Variants in MAP3K11 observed in about 807,000 individuals in gnomAD.
MAP3K11 encodes SH3 domain-containing proline-rich kinase.
Under a neutral mutation model 84.9 loss-of-function variants are expected in MAP3K11, and 46 were observed. The ratio of observed to expected loss-of-function variants is 0.54; its 90% CI spans 0.43 to 0.69. The LOEUF is 0.69. Ranked by LOEUF, MAP3K11 falls within the 30% of genes least tolerant of loss-of-function variation. The pLI is 0.00. For missense variants in MAP3K11, 1,053 were observed against 1,198.3 expected (o/e 0.88, Z 1.79); for synonymous variants, 527 against 514.7 (o/e 1.02, Z -0.32).
chr11:65,610,628 C>T (rs1275482444), intron 1 of MAP3K11: 2 of 152,246 alleles, frequency 1.3e-5, no homozygotes, highest in Admixed American at 1.3e-4. Context: ...GAAATGGGCA[C>T]CTCCCCTGGT....
At chr11:65,608,630 T>C (rs1590857590) in intron 1 of MAP3K11, 182 bp from the exon 2 acceptor site, 1 of 591,044 alleles carries the variant, frequency 1.7e-6, no homozygotes, top group Non-Finnish European at 3.0e-6. Context: ...TTTTTTTTTT[T>C]TCTTAAGATA....
At chr11:65,606,187 G>T in intron 6 of MAP3K11, 106 bp from the exon 7 acceptor site, 1 of 1,290,750 alleles carries the variant, frequency 7.7e-7, no homozygotes, top group Non-Finnish European at 1.0e-6. Flanking sequence ...GCTGGGCCCT[G>T]TACCATTCCC....
Position 65,606,150 on chromosome 11 carries a change from A to T in MAP3K11, c.1604-69T>A, listed in dbSNP as rs1151527. 2.0e-6 allele frequency: 3 copies of T among 1,477,028 alleles called. No individual in the cohort carries two copies. In the South Asian group the frequency reaches 4.1e-5, roughly 20 times the overall value. The allele number at this position is 1,477,028 out of a possible 1,614,324, so 91.5% of individuals were successfully genotyped here. On this transcript the variant is annotated intron_variant, in intron 6 of 9. Transcript: ENST00000309100. ...CTCCATCATCACAGTCAGGCTTCAG[A>T]GATAAACTTTAGAGTATGGGGAGCA...
intron 8 of MAP3K11, among the ~76,000 whole-genome samples, chr11:65,600,710 G>T (rs1445269543): frequency 6.6e-6 from 1 of 152,196 alleles, no homozygotes; most frequent in East Asian, 1.9e-4. Context: ...TCCCTCCTTG[G>T]CTCTAGAAAC....
rs1325502326 is a variant in MAP3K11, at chr11:65,599,593, G to A, written c.2007C>T (p.Arg669=). The A allele has an allele frequency of 5.9e-6, 9 of 1,523,296 alleles. No homozygotes were observed. Among genetic ancestry groups the A allele is most frequent in the East Asian group, 2.5e-5 (1 of 40,354 alleles). 94.4% of individuals were successfully genotyped at this position (1,523,296 alleles called of 1,614,324 possible). Residue 669 remains arginine (R), a synonymous_variant, in exon 9 of 10, where the codon CGC becomes CGT. Coordinates refer to ENST00000309100, the MANE Select transcript of MAP3K11 (RefSeq NM_002419.4). ...RDLQPPGGPG[R]ERGESPTTPP... is the part of the protein sequence containing the mutation. ...GTGTTGTCGGGGACTCCCCGCGCTC[G>A]CGTCCTGGGCCTCCCGGCGGCTGCA...
chr11:65,610,669 A>G (rs577921163), intron 1 of MAP3K11: 1 of 152,344 alleles, frequency 6.6e-6, no homozygotes, highest in East Asian at 1.9e-4. Context: ...TTGAAGACCA[A>G]CACTTGCTGC....
chr11:65,602,658 A>G (rs1854467942), intron 8 of MAP3K11, among the ~76,000 whole-genome samples: 1 of 151,828 alleles, frequency 6.6e-6, no homozygotes, highest in Admixed American at 6.6e-5. Flanking sequence ...AAAAAAAAAA[A>G]TTAGCTGGGC....
intron 1 of MAP3K11, chr11:65,612,100 T>G (rs1854576810): frequency 6.6e-6 from 1 of 152,564 alleles, no homozygotes; most frequent in South Asian, 2.1e-4. Flanking sequence ...GCCTGGCCCC[T>G]CCTGCATTTC....
Position 65,613,501 on chromosome 11 carries a change from C to G in MAP3K11, c.256G>C (p.Gly86Arg). The change falls in exon 1 of 10, where the codon GGC becomes CGC. Residue 86 changes from glycine to arginine, a missense_variant. By Grantham distance (125) the Gly-to-Arg change is moderately radical. Around this residue, in one of 3 missense-constraint regions of MAP3K11, gnomAD observed 160 missense variants for 167.3 expected, o/e 0.96. Transcript: ENST00000309100. Reference protein sequence around the residue: ...AISGDEGWWAGQVGGQVGIFP... With the variant: ...AISGDEGWWARQVGGQVGIFP... ...ATGCCCACCTGGCCACCCACCTGGCCCGCCCACCAGCCCTCGTCTCCTGAG... is the reference window on the plus strand; with the variant it reads ...ATGCCCACCTGGCCACCCACCTGGCGCGCCCACCAGCCCTCGTCTCCTGAG... The G allele has an allele frequency of 6.2e-7, 1 of 1,611,112 alleles. No homozygotes were observed. Among genetic ancestry groups the G allele is most frequent in the South Asian group, 1.1e-5 (1 of 90,934 alleles).
chr11:65,606,654 G>T (rs376567112), intron 6 of MAP3K11, 37 bp downstream of exon 6: 30 of 1,432,888 alleles, frequency 2.1e-5, no homozygotes, highest in Non-Finnish European at 2.9e-5. Context: ...TAAGGAGCTG[G>T]GGGGCGGAGA....
rs753316830 is a variant in MAP3K11 at position 65,607,266 on chromosome 11, T to C, written c.1489+4A>G. The C allele has an allele frequency of 6.0e-5, 90 of 1,509,798 alleles. No homozygotes were observed. Among genetic ancestry groups the C allele is most frequent in the Non-Finnish European group, 7.6e-5 (87 of 1,138,260 alleles). 93.5% of individuals were successfully genotyped at this position (1,509,798 alleles called of 1,614,324 possible). A position where few individuals can be genotyped will look rare whatever the true frequency, so the allele number is the denominator to read the frequency against. On this transcript the variant is annotated splice_donor_region_variant and intron_variant, in intron 5 of 9. Transcript: ENST00000309100. ...CGGGGGACGCCCCGGGGCCCGGCCC[T>C]CACCGAGTGGCATGCTGATACGCTC...
rs1454847400 is a variant in MAP3K11 at position 65,607,353 on chromosome 11, G to A, written c.1406C>T (p.Pro469Leu). The part of the protein sequence containing the change: ...LLLQQVDRER[P>L]HVRRRRGTFK... ...TGTCCCGCGGCGGCGGCGCACGTGC[G>A]GTCGCTCGCGGTCCACCTGCTGCAG... Residue 469 changes from proline to leucine, a missense_variant, in exon 5 of 10, where the codon CCG (proline) becomes CTG (leucine). Transcript: ENST00000309100. 2 of 1,496,710 alleles carry A rather than the reference G, an allele frequency of 1.3e-6. No individual in the cohort carries two copies. The highest frequency in any genetic ancestry group is 1.8e-6 in the Non-Finnish European group (2 of 1,131,472). The allele number at this position is 1,496,710 out of a possible 1,614,324, so 92.7% of individuals were successfully genotyped here.
At position 65,613,990 on chromosome 11, in the gene MAP3K11, C is replaced by G; in HGVS notation, c.-234G>C. 1.9e-6 allele frequency: 1 copy of G among 526,432 alleles called. No homozygotes were observed. The highest frequency in any genetic ancestry group is 3.3e-6 in the Non-Finnish European group (1 of 301,490). The allele number at this position is 526,432 out of a possible 1,614,324, so 32.6% of individuals were successfully genotyped here. ...TGGTCAGGCCGGGGGGGTGGGGCCC[C>G]GGGGCCTCCGGCGCCTCACCATGGC... On this transcript the variant is annotated 5_prime_UTR_variant, in exon 1 of 10. Transcript: ENST00000309100.
rs371677177 is a variant in MAP3K11, at chr11:65,614,144, G to T, written c.-388C>A. 60 of 202,434 alleles carry T rather than the reference G, an allele frequency of 3.0e-4. No homozygotes were observed. The highest frequency in any genetic ancestry group is 1.4e-3 in the Middle Eastern group (2 of 1,420). The allele number at this position is 202,434 out of a possible 1,614,324, so 12.5% of individuals were successfully genotyped here. ...ACTCCGGTTGGGTCTTTTTGCGCAG[G>T]GGGTGGAGGGAGCGTCCGCAGTTGG... On this transcript the variant is annotated 5_prime_UTR_variant, in exon 1 of 10. Coordinates refer to ENST00000309100, the MANE Select transcript of MAP3K11 (RefSeq NM_002419.4).
chr11:65,606,086 A>C lies in MAP3K11; in HGVS notation c.1604-5T>G, dbSNP rs1854504508. The stretch of plus-strand genomic sequence containing the variant: ...GGCCTGGCTCTGCAGGCTCCACTGC[A>C]GGGGAAACCGATGAAATCGGAGATA... On this transcript the variant is annotated splice_region_variant and splice_polypyrimidine_tract_variant and intron_variant, in intron 6 of 9. Coordinates refer to ENST00000309100, the MANE Select transcript of MAP3K11 (RefSeq NM_002419.4). 1 of 1,563,938 alleles carries C rather than the reference A, an allele frequency of 6.4e-7. No homozygotes were observed. The highest frequency in any genetic ancestry group is 1.2e-5 in the South Asian group (1 of 84,604).
intron 8 of MAP3K11, chr11:65,605,468 A>G (rs1590855742): frequency 3.5e-6 from 1 of 283,224 alleles, no homozygotes; most frequent in East Asian, 6.8e-5. Flanking sequence ...CTAAAGGCAC[A>G]GGGGCTGCCA....
chr11:65,606,022 A>G lies in MAP3K11; in HGVS notation c.1663T>C (p.Ser555Pro). The G allele has an allele frequency of 1.2e-6, 2 of 1,600,070 alleles. No homozygotes were observed. Among genetic ancestry groups the G allele is most frequent in the African/African-American group, 1.4e-5 (1 of 74,064 alleles). ...CATGCTCGCCGCTCTCCATTGCTTG[A>G]GTCCTCCAGACGTCGGGGGGACTGG... ...GRQSPRRLED[S>P]SNGERRACWA... The change falls in exon 7 of 10, where the codon TCA becomes CCA. Residue 555 changes from serine to proline, a missense_variant. Coordinates refer to ENST00000309100, the MANE Select transcript of MAP3K11 (RefSeq NM_002419.4).
rs1256931517 is a variant in MAP3K11 at position 65,606,089 on chromosome 11, G to A, written c.1604-8C>T. ...CTGGCTCTGCAGGCTCCACTGCAGG[G>A]GAAACCGATGAAATCGGAGATAATC... is the stretch of plus-strand genomic sequence containing the variant. On this transcript the variant is annotated splice_region_variant and splice_polypyrimidine_tract_variant and intron_variant, in intron 6 of 9. Transcript: ENST00000309100. The A allele has an allele frequency of 6.4e-6, 10 of 1,562,264 alleles. No homozygotes were observed. The highest frequency in any genetic ancestry group is 5.6e-5 in the African/African-American group (4 of 71,986).
chr11:65,607,177 C>CT, intron 5 of MAP3K11, 93 bp downstream of exon 5: 1 of 1,388,026 alleles, frequency 7.2e-7, no homozygotes, highest in Non-Finnish European at 9.3e-7. Flanking sequence ...CCACAACACC[C>CT]TAAACCAATC....
Sources: allele counts gnomAD v4.1 joint callset (sites outside exome capture counted in the v4.1 genomes callset), GRCh38; gene constraint gnomAD v4.1.1; regional missense constraint gnomAD v4.1.1; transcripts MANE v1.5; gene names NCBI Gene and HGNC (gene_info 2026-07-23, HGNC 2026-07-21).